GPR160: variants seen among roughly 807,000 people sequenced by gnomAD.
The protein encoded by GPR160 is G protein-coupled receptor 160.
Under a neutral mutation model 2.6 loss-of-function variants are expected in GPR160, and 2 were observed. The ratio of observed to expected loss-of-function variants is 0.77; its 90% confidence interval spans 0.32 to 2.44. The LOEUF is 2.44. Ranked by LOEUF, GPR160 falls within the 30% of genes most tolerant of loss-of-function variation. The probability of loss-of-function intolerance (pLI) is 0.11; values close to 1 mark genes in which losing one functional copy is unlikely to be tolerated. For missense variants in GPR160, 351 were observed against 383.6 expected, an observed-to-expected ratio of 0.91 and a Z score of 0.71; for synonymous variants, 130 against 132.2, an observed-to-expected ratio of 0.98 and a Z score of 0.12.
intron 2 of GPR160, among the ~76,000 whole-genome samples, chr3:170,075,651 G>C (rs1272041799): frequency 1.3e-5 from 2 of 152,200 alleles, no homozygotes; most frequent in African/African-American, 4.8e-5. Context: ...AGACAACAAT[G>C]AAGGGCAACT....
At chr3:170,057,027 AG>A (rs1711676979) in intron 2 of GPR160, among the ~76,000 whole-genome samples, 1 of 152,346 alleles carries the variant, frequency 6.6e-6, no homozygotes, top group African/African-American at 2.4e-5. Context: ...TACTATGTAA[AG>A]AGGGTCTTAC....
At chr3:170,074,164 C>T (rs781615424) in intron 2 of GPR160, among the ~76,000 whole-genome samples, 5 of 152,124 alleles carry the variant, frequency 3.3e-5, no homozygotes, top group African/African-American at 1.2e-4. Context: ...GCTGGGATTA[C>T]AGGCATGAGC....
chr3:170,071,800 A>G lies in GPR160; in HGVS notation c.-192-7974A>G, dbSNP rs191991752. 4.1e-3 allele frequency among the ~76,000 whole-genome samples: 617 copies of G among 152,318 alleles called. 3 individuals are homozygous for G. Among genetic ancestry groups the G allele is most frequent in the Non-Finnish European group, 6.3e-3 (429 of 68,024 alleles). ...AACAGAGCAAGACTCTGTATCACCAACAGAAATACCTCTTTATAAATTAAT... is the reference window on the plus strand; with the variant it reads ...AACAGAGCAAGACTCTGTATCACCAGCAGAAATACCTCTTTATAAATTAAT... On this transcript the variant is annotated intron_variant, in intron 2 of 3. Transcript: ENST00000355897.
Sources: gnomAD v4.1 joint callset for allele counts (sites outside exome capture counted in the v4.1 genomes callset) on GRCh38, gnomAD v4.1.1 for gene constraint, MANE v1.5 for transcripts, NCBI Gene and HGNC (gene_info 2026-07-23, HGNC 2026-07-21) for gene names.